Variants in RNASEH2B observed in about 807,000 individuals in gnomAD.
RNASEH2B encodes Aicardi-Goutieres syndrome 2 protein.
In RNASEH2B, 36 loss-of-function variants were observed where a neutral mutation model predicts 45.0. That is an observed-to-expected ratio of 0.80 (90% CI 0.61 to 1.06). RNASEH2B has a LOEUF of 1.06. RNASEH2B is among the 50% of genes least tolerant of loss of function. The pLI is 0.00. For synonymous variants in RNASEH2B, 119 were observed against 125.7 expected, an observed-to-expected ratio of 0.95 and a Z score of 0.35; for missense variants, 361 against 360.3, an observed-to-expected ratio of 1.00 and a Z score of -0.02.
At chr13:50,959,011 G>A (rs188335054), downstream of RNASEH2B, among the ~76,000 whole-genome samples, 2 of 152,248 alleles carry the variant, frequency 1.3e-5, no homozygotes, top group East Asian at 3.9e-4. Context: ...ATGCCACCTT[G>A]TTAGCATTGG....
At chr13:50,956,862 G>A, downstream of RNASEH2B, 1 of 484,728 alleles carries the variant, frequency 2.1e-6, no homozygotes, top group Non-Finnish European at 2.7e-6. Context: ...AAACTGTGAG[G>A]TAAATTGTTA....
At chr13:50,951,251 G>A (rs532762019) in intron 9 of RNASEH2B, 20 of 152,214 alleles carry the variant, frequency 1.3e-4, no homozygotes, top group African/African-American at 4.6e-4. Context: ...ATGTACCATC[G>A]TTTAAACAAG....
Position 50,956,602 on chromosome 13 carries a change from C to G in RNASEH2B, c.*128C>G, listed in dbSNP as rs1952054857. 1 of 1,483,110 alleles carries G rather than the reference C, an allele frequency of 6.7e-7. No homozygotes were observed. Among genetic ancestry groups the G allele is most frequent in the Non-Finnish European group, 9.0e-7 (1 of 1,113,758 alleles). 91.9% of individuals were successfully genotyped at this position (1,483,110 alleles called of 1,614,324 possible). A position where few individuals can be genotyped will look rare whatever the true frequency, so the allele number is the denominator to read the frequency against. On this transcript the variant is annotated 3_prime_UTR_variant, in exon 11 of 11. Coordinates refer to ENST00000336617, the MANE Select transcript of RNASEH2B (RefSeq NM_024570.4). ...CAATTTCATGTTCTCTTAAACATTT[C>G]TTTGCATTTGGTTTTTGTGTTCCTG...
In RNASEH2B at chr13:50,934,950, G is replaced by C; in HGVS notation, c.387G>C (p.Leu129=). 1 of 1,613,994 alleles carries C rather than the reference G, an allele frequency of 6.2e-7. No individual in the cohort carries two copies. Among genetic ancestry groups the C allele is most frequent in the South Asian group, 1.1e-5 (1 of 91,076 alleles). The change falls in exon 5 of 11, where the codon CTG becomes CTC. Residue 129 remains leucine, a synonymous_variant. Coordinates refer to ENST00000336617, the MANE Select transcript of RNASEH2B (RefSeq NM_024570.4). The stretch of plus-strand genomic sequence containing the variant: ...TGTTTCCAAATTGCATCTTGTTGCT[G>C]AAACTTCCTGGACTTGAGAAGTTAC... ...DNVFPNCILL[L]KLPGLEKLLH... is the part of the protein sequence containing the mutation.
intron 1 of RNASEH2B, among the ~76,000 whole-genome samples, chr13:50,917,098 C>T (rs1879787823): frequency 6.6e-6 from 1 of 152,214 alleles, no homozygotes; most frequent in Admixed American, 6.5e-5. Flanking sequence ...TCTGACTGGT[C>T]CTGCTGTGGT....
At chr13:50,926,355 G>A (rs1593454911) in intron 1 of RNASEH2B, among the ~76,000 whole-genome samples, 1 of 152,100 alleles carries the variant, frequency 6.6e-6, no homozygotes, top group East Asian at 1.9e-4. Flanking sequence ...TTTCTCTTTT[G>A]CTCTTTTGGT....
At chr13:50,922,923 G>A (rs1301826395) in intron 1 of RNASEH2B, among the ~76,000 whole-genome samples, 1 of 152,182 alleles carries the variant, frequency 6.6e-6, no homozygotes, top group Non-Finnish European at 1.5e-5. Context: ...AGAACATCAT[G>A]TCTAAAGAAT....
chr13:50,935,638 G>T (rs1951740874), intron 5 of RNASEH2B: 1 of 153,918 alleles, frequency 6.5e-6, no homozygotes, highest in Non-Finnish European at 1.4e-5. Flanking sequence ...AGTCCTGAAG[G>T]ATAGTCAGAG....
At chr13:50,947,183 A>C (rs1157787332) in intron 7 of RNASEH2B, among the ~76,000 whole-genome samples, 1 of 152,098 alleles carries the variant, frequency 6.6e-6, no homozygotes, top group Non-Finnish European at 1.5e-5. Context: ...CTTATGATTA[A>C]GTTTGATTAT....
intron 8 of RNASEH2B, 41 bp downstream of exon 8, chr13:50,948,109 G>T: frequency 6.2e-7 from 1 of 1,605,796 alleles, no homozygotes; most frequent in Non-Finnish European, 8.5e-7. Flanking sequence ...AGTACCATTT[G>T]CTTCTTGGTT....
chr13:50,965,932 A>G (rs1952161039), intron 9 of RNASEH2B, among the ~76,000 whole-genome samples: 1 of 152,132 alleles, frequency 6.6e-6, no homozygotes, highest in Non-Finnish European at 1.5e-5. Context: ...CTTGAATAGG[A>G]GCTCATATTA....
rs1804734892 is a variant in RNASEH2B, at chr13:50,947,970, CCTT to C, written c.617-14_617-12del. On this transcript the variant is annotated splice_polypyrimidine_tract_variant and intron_variant, in intron 7 of 10. Coordinates refer to ENST00000336617, the MANE Select transcript of RNASEH2B (RefSeq NM_024570.4). ...ATTTTTTTTTTTTGCTTTCACTCCT[CCTT>C]CTGTTTCTTTCAGAGGATTATATTC... 2.5e-6 allele frequency: 4 copies of C among 1,606,678 alleles called. No individual in the cohort carries two copies. Among genetic ancestry groups the C allele is most frequent in the East Asian group, 4.5e-5 (2 of 44,718 alleles).
chr13:50,960,276 A>G (rs1488851567), downstream of RNASEH2B: 2 of 389,938 alleles, frequency 5.1e-6, no homozygotes, highest in African/African-American at 2.1e-5. Context: ...AGTACATAAT[A>G]TAGTATGTAA....
chr13:50,950,800 T>C (rs1413875127), intron 9 of RNASEH2B: 1 of 152,246 alleles, frequency 6.6e-6, no homozygotes, highest in Non-Finnish European at 1.5e-5. Context: ...TTTCATAACT[T>C]TATTCTTCTC....
chr13:50,926,836 A>T (rs1480288407), intron 1 of RNASEH2B, among the ~76,000 whole-genome samples: 1 of 41,078 alleles, frequency 2.4e-5, no homozygotes, highest in African/African-American at 1.1e-4. Flanking sequence ...ACAAAGTAGT[A>T]AAAAAAAAGC....
Position 50,963,219 on chromosome 13 carries a change from C to CA in RNASEH2B, c.742-6711dup, listed in dbSNP as rs1179226609. Among the ~76,000 whole-genome samples, 18 of 152,168 alleles carry CA rather than the reference C, an allele frequency of 1.2e-4. 1 individual carries two copies. In the East Asian group the frequency reaches 3.3e-3, roughly 28 times the overall value. On this transcript the variant is annotated intron_variant, in intron 9 of 9. Transcript: ENST00000422660. ...CGCTCTTGTTGCCCAGGCTGGAGTG[C>CA]AATGGCACAATCTCAGCTCGCTGCA... is the stretch of plus-strand genomic sequence containing the variant.
chr13:50,930,024 C>T, intron 3 of RNASEH2B: 1 of 250,532 alleles, frequency 4.0e-6, no homozygotes. Flanking sequence ...TGCCCACCTG[C>T]TCCCCCACCC....
At chr13:50,923,965 C>A (rs938757208) in intron 1 of RNASEH2B, among the ~76,000 whole-genome samples, 1 of 152,158 alleles carries the variant, frequency 6.6e-6, no homozygotes, top group African/African-American at 2.4e-5. Context: ...TTAATCTGAA[C>A]TACATTGTGA....
At chr13:50,953,823 T>C in intron 9 of RNASEH2B, 82 bp from the exon 10 acceptor site, 1 of 938,014 alleles carries the variant, frequency 1.1e-6, no homozygotes, top group Non-Finnish European at 1.7e-6. Flanking sequence ...AGGTCTAAAT[T>C]ATACATGTTG....
Sources: allele counts gnomAD v4.1 joint callset (sites outside exome capture counted in the v4.1 genomes callset), GRCh38; gene constraint gnomAD v4.1.1; transcripts MANE v1.5; gene names NCBI Gene and HGNC (gene_info 2026-07-23, HGNC 2026-07-21).